PPIB: variants seen among roughly 807,000 people sequenced by gnomAD.
PPIB encodes the protein peptidyl-prolyl cis-trans isomerase B.
Under a neutral mutation model 20.1 loss-of-function variants are expected in PPIB, and 15 were observed. That is an observed-to-expected ratio of 0.75 (90% confidence interval 0.50 to 1.15). The LOEUF (loss-of-function observed/expected upper bound fraction) is 1.15, where lower values mean the gene tolerates loss of function less well. PPIB is among the 50% of genes most tolerant of loss of function. The pLI, the probability that PPIB is intolerant of heterozygous loss-of-function variation, is 0.00. For missense variants in PPIB, 278 were observed against 283.0 expected (o/e 0.98, Z 0.13); for synonymous variants, 129 against 111.0 (o/e 1.16, Z -1.02).
At position 64,162,740 on chromosome 15, in the gene PPIB, G is replaced by C. The variant is rs2140184640; in HGVS notation, c.135+112C>G. ...TGGACTGAATGGGCAGGACGGCCCA[G>C]ACGCCACGAGGCCACAGACAGAAGC... On this transcript the variant is annotated intron_variant, in intron 1 of 4. Coordinates refer to ENST00000300026, the MANE Select transcript of PPIB (RefSeq NM_000942.5). 5.3e-6 allele frequency: 8 copies of C among 1,519,906 alleles called. 1 individual carries two copies. In the South Asian group the frequency reaches 9.7e-5, roughly 18 times the overall value. The allele number at this position is 1,519,906 out of a possible 1,614,324, so 94.2% of individuals were successfully genotyped here. A position where few individuals can be genotyped will look rare whatever the true frequency, so the allele number is the denominator to read the frequency against.
intron 1 of PPIB, 138 bp downstream of exon 1, chr15:64,162,714 C>T: frequency 1.4e-6 from 2 of 1,426,930 alleles, no homozygotes; most frequent in South Asian, 2.5e-5. Flanking sequence ...GGGTCGTTCC[C>T]TGGACTGAAT....
rs1232463798 is a variant in PPIB, at chr15:64,155,901, G to A, written c.*122C>T. 2.1e-6 allele frequency: 3 copies of A among 1,455,726 alleles called. No homozygotes were observed. Among genetic ancestry groups the A allele is most frequent in the South Asian group, 1.1e-5 (1 of 87,548 alleles). 90.2% of individuals were successfully genotyped at this position (1,455,726 alleles called of 1,614,324 possible). A position where few individuals can be genotyped will look rare whatever the true frequency, so the allele number is the denominator to read the frequency against. ...ACAAAAGTGAGTCCATGGGCCTGTG[G>A]AATGTGAGGGGAGTGGGTCCGCTCC... On this transcript the variant is annotated 3_prime_UTR_variant, in exon 5 of 5. Coordinates refer to ENST00000300026, the MANE Select transcript of PPIB (RefSeq NM_000942.5).
At chr15:64,162,782 G>A (rs1052629034) in intron 1 of PPIB, 70 bp downstream of exon 1, 4 of 1,568,840 alleles carry the variant, frequency 2.5e-6, no homozygotes, top group Non-Finnish European at 3.5e-6. Flanking sequence ...AGGAGGGGCT[G>A]AGCCAAGGCC....
In PPIB at chr15:64,156,410, G is replaced by A; in HGVS notation, c.529-265C>T. ...AGGAGGAAGAGGGTGACCAGGGCAT[G>A]TGGCTTCTCAGGGACATTGCGTTCA... On this transcript the variant is annotated intron_variant, in intron 4 of 4. Coordinates refer to ENST00000300026, the MANE Select transcript of PPIB (RefSeq NM_000942.5). The surrounding 1 kb of genome is among the most constrained non-coding windows in gnomAD (Gnocchi z 6.4). The A allele has an allele frequency of 1.6e-6, 1 of 624,916 alleles. No individual in the cohort carries two copies. Among genetic ancestry groups the A allele is most frequent in the Non-Finnish European group, 2.8e-6 (1 of 352,034 alleles). 38.7% of individuals were successfully genotyped at this position (624,916 alleles called of 1,614,324 possible).
Position 64,160,385 on chromosome 15 carries a change from G to C in PPIB, c.250-188C>G, listed in dbSNP as rs1307006803. 6.6e-6 allele frequency among the ~76,000 whole-genome samples: 1 copy of C among 152,222 alleles called. No individual in the cohort carries two copies. Among genetic ancestry groups the C allele is most frequent in the Admixed American group, 6.5e-5 (1 of 15,288 alleles). ...CCACAGGACAGGCATGGTACACACAGATGTGGAAATCCCTCTGCCTCCATA... is the reference window on the plus strand; with the variant it reads ...CCACAGGACAGGCATGGTACACACACATGTGGAAATCCCTCTGCCTCCATA... On this transcript the variant is annotated intron_variant, in intron 2 of 4. Transcript: ENST00000300026. The surrounding 1 kb of genome is among the most constrained non-coding windows in gnomAD (Gnocchi z 4.8).
rs1490910907 is a variant in PPIB, at chr15:64,158,758, T to C, written c.343+1346A>G. Among the ~76,000 whole-genome samples, 1 of 152,238 alleles carries C rather than the reference T, an allele frequency of 6.6e-6. No individual in the cohort carries two copies. Among genetic ancestry groups the C allele is most frequent in the Non-Finnish European group, 1.5e-5 (1 of 68,038 alleles). On this transcript the variant is annotated intron_variant, in intron 3 of 4. Transcript: ENST00000300026. The surrounding 1 kb of genome is among the most constrained non-coding windows in gnomAD (Gnocchi z 4.7). ...GGGCTCATGCCCTAACCCTGCCTCT[T>C]TTCTGCCCGTTCAAATTCTCCTCAT...
chr15:64,156,650 G>A lies in PPIB; in HGVS notation c.528+75C>T. 1 of 1,562,928 alleles carries A rather than the reference G, an allele frequency of 6.4e-7. No homozygotes were observed. Among genetic ancestry groups the A allele is most frequent in the Non-Finnish European group, 8.8e-7 (1 of 1,133,722 alleles). ...CTTTTGGGAAAGGGATGGACACATG[G>A]AGCTCCTGCCCTGGGGTCTGTGTTG... On this transcript the variant is annotated intron_variant, in intron 4 of 4. Coordinates refer to ENST00000300026, the MANE Select transcript of PPIB (RefSeq NM_000942.5). The surrounding 1 kb of genome is among the most constrained non-coding windows in gnomAD (Gnocchi z 6.4).
rs186981162 is a variant in PPIB, at chr15:64,160,439, T to C, written c.250-242A>G. ...TTCCCAAGCTTTATACAATTCTACA[T>C]CACATAATGCTTTTCCCCTCATTTC... On this transcript the variant is annotated intron_variant, in intron 2 of 4. Coordinates refer to ENST00000300026, the MANE Select transcript of PPIB (RefSeq NM_000942.5). The surrounding 1 kb of genome is among the most constrained non-coding windows in gnomAD (Gnocchi z 4.8). Among the ~76,000 whole-genome samples the C allele has an allele frequency of 7.6e-4, 115 of 152,268 alleles. No individual in the cohort carries two copies. Among genetic ancestry groups the C allele is most frequent in the Non-Finnish European group, 7.8e-4 (53 of 68,014 alleles).
rs776274131 is a variant in PPIB, at chr15:64,155,909, G to A, written c.*114C>T. On this transcript the variant is annotated 3_prime_UTR_variant, in exon 5 of 5. Transcript: ENST00000300026. ...GAGTCCATGGGCCTGTGGAATGTGA[G>A]GGGAGTGGGTCCGCTCCACCAGATG... 15 of 1,513,164 alleles carry A rather than the reference G, an allele frequency of 9.9e-6. No homozygotes were observed. In the South Asian group the frequency reaches 1.6e-4, roughly 16 times the overall value. The allele number at this position is 1,513,164 out of a possible 1,614,324, so 93.7% of individuals were successfully genotyped here.
Position 64,156,871 on chromosome 15 carries a change from A to G in PPIB, c.382T>C (p.Phe128Leu). ...IYGERFPDEN[F>L]KLKHYGPGWV... ...CCAGGCCCGTAGTGCTTCAGTTTGA[A>G]GTTCTCATCGGGGAAGCGCTCACCG... The change falls in exon 4 of 5, where the codon TTC (phenylalanine) becomes CTC (leucine). Residue 128 changes from phenylalanine to leucine, a missense_variant. Physicochemically the swap from Phe to Leu is conservative, Grantham distance 22. Transcript: ENST00000300026. The surrounding 1 kb of genome is among the most constrained non-coding windows in gnomAD (Gnocchi z 6.4). The G allele has an allele frequency of 6.2e-7, 1 of 1,614,182 alleles. No individual in the cohort carries two copies. The highest frequency in any genetic ancestry group is 8.5e-7 in the Non-Finnish European group (1 of 1,180,032).
chr15:64,155,873 G>T lies in PPIB; in HGVS notation c.*150C>A. On this transcript the variant is annotated 3_prime_UTR_variant, in exon 5 of 5. Coordinates refer to ENST00000300026, the MANE Select transcript of PPIB (RefSeq NM_000942.5). Reference sequence around the variant, plus strand: ...TATTGGTCAGTGTTGGTAGGAGTTTGTTACAAAAGTGAGTCCATGGGCCTG... The same window carrying T: ...TATTGGTCAGTGTTGGTAGGAGTTTTTTACAAAAGTGAGTCCATGGGCCTG... The T allele has an allele frequency of 4.3e-6, 5 of 1,161,086 alleles. No individual in the cohort carries two copies. The highest frequency in any genetic ancestry group is 6.3e-6 in the Non-Finnish European group (5 of 788,448). The allele number at this position is 1,161,086 out of a possible 1,614,324, so 71.9% of individuals were successfully genotyped here. A position where few individuals can be genotyped will look rare whatever the true frequency, so the allele number is the denominator to read the frequency against.
rs951173206 is a variant in PPIB, at chr15:64,161,617, C to T, written c.249+424G>A. Reference sequence around the variant, plus strand: ...GCGCATGCCTGTAATCCCAGCTACTCAGGAGGCTGAGGCAGGAGAATCACT... The same window carrying T: ...GCGCATGCCTGTAATCCCAGCTACTTAGGAGGCTGAGGCAGGAGAATCACT... On this transcript the variant is annotated intron_variant, in intron 2 of 4. Transcript: ENST00000300026. The surrounding 1 kb of genome is among the most constrained non-coding windows in gnomAD (Gnocchi z 4.2). Among the ~76,000 whole-genome samples the T allele has an allele frequency of 4.6e-5, 7 of 151,682 alleles. No individual in the cohort carries two copies. The highest frequency in any genetic ancestry group is 1.7e-4 in the African/African-American group (7 of 41,276).
intron 1 of PPIB, 52 bp downstream of exon 1, chr15:64,162,800 G>A: frequency 1.9e-6 from 3 of 1,589,034 alleles, no homozygotes; most frequent in Non-Finnish European, 2.6e-6. Context: ...GCCAAGCCAA[G>A]GCCGCCCGGG....
In PPIB at chr15:64,157,728, T is replaced by G. The variant is rs2081543394; in HGVS notation, c.344-819A>C. On this transcript the variant is annotated intron_variant, in intron 3 of 4. Transcript: ENST00000300026. This position sits in a 1 kb window ranked among gnomAD's most constrained non-coding sequence, Gnocchi z 4.2. The stretch of plus-strand genomic sequence containing the variant: ...AAACATATTTGCATGCAAAACTCTT[T>G]TTTCCTTCTCACTGCACCTACCTTC... Among the ~76,000 whole-genome samples, 2 of 152,214 alleles carry G rather than the reference T, an allele frequency of 1.3e-5. No individual in the cohort carries two copies. Among genetic ancestry groups the G allele is most frequent in the Non-Finnish European group, 2.9e-5 (2 of 68,044 alleles).
chr15:64,160,088 G>A lies in PPIB; in HGVS notation c.343+16C>T, dbSNP rs760632468. The A allele has an allele frequency of 6.3e-7, 1 of 1,595,336 alleles. No individual in the cohort carries two copies. The highest frequency in any genetic ancestry group is 1.1e-5 in the South Asian group (1 of 90,722). ...CTACACTGACATACTCCTTGGCCCA[G>A]AGGACCTGTGGTTACCTCCTGTGCC... On this transcript the variant is annotated intron_variant, in intron 3 of 4. Coordinates refer to ENST00000300026, the MANE Select transcript of PPIB (RefSeq NM_000942.5). This position sits in a 1 kb window ranked among gnomAD's most constrained non-coding sequence, Gnocchi z 4.8.
Position 64,156,056 on chromosome 15 carries a change from C to G in PPIB, c.618G>C (p.Glu206Asp). The change falls in exon 5 of 5, where the codon GAG becomes GAC. Residue 206 changes from glutamate to aspartate, a missense_variant. Coordinates refer to ENST00000300026, the MANE Select transcript of PPIB (RefSeq NM_000942.5). The surrounding 1 kb of genome is among the most constrained non-coding windows in gnomAD (Gnocchi z 6.4). The stretch of plus-strand genomic sequence containing the variant: ...TGGCGATGGCAAAGGGCTTCTCCAC[C>G]TCGATCTTGCCGCAGTCTGCGATGA... ...DVIIADCGKI[E>D]VEKPFAIAKE 1 of 1,614,218 alleles carries G rather than the reference C, an allele frequency of 6.2e-7. No individual in the cohort carries two copies. The highest frequency in any genetic ancestry group is 1.6e-4 in the Middle Eastern group (1 of 6,062).
chr15:64,158,653 G>C lies in PPIB; in HGVS notation c.343+1451C>G, dbSNP rs1352946412. ...CTGCAGGCCGAAGCCCAGGCTGCAG[G>C]ACATCACCCACCTCTCTGCACTCCG... is the stretch of plus-strand genomic sequence containing the variant. On this transcript the variant is annotated intron_variant, in intron 3 of 4. Coordinates refer to ENST00000300026, the MANE Select transcript of PPIB (RefSeq NM_000942.5). The surrounding 1 kb of genome is among the most constrained non-coding windows in gnomAD (Gnocchi z 4.7). 6.6e-6 allele frequency among the ~76,000 whole-genome samples: 1 copy of C among 152,120 alleles called. No homozygotes were observed. Among genetic ancestry groups the C allele is most frequent in the Non-Finnish European group, 1.5e-5 (1 of 68,030 alleles).
rs867763180 is a variant in PPIB at position 64,157,300 on chromosome 15, G to A, written c.344-391C>T. 5.9e-5 allele frequency: 14 copies of A among 236,862 alleles called. No individual in the cohort carries two copies. Among genetic ancestry groups the A allele is most frequent in the Admixed American group, 2.5e-4 (5 of 19,818 alleles). 14.7% of individuals were successfully genotyped at this position (236,862 alleles called of 1,614,324 possible). ...AGGGTCGGAACTCTCCAGAAAAGGA[G>A]GACTGCTGTGGCTGACCAGCCTGTT... On this transcript the variant is annotated intron_variant, in intron 3 of 4. Coordinates refer to ENST00000300026, the MANE Select transcript of PPIB (RefSeq NM_000942.5). This position sits in a 1 kb window ranked among gnomAD's most constrained non-coding sequence, Gnocchi z 4.2.
In PPIB at chr15:64,159,049, G is replaced by C. The variant is rs1237905988; in HGVS notation, c.343+1055C>G. Among the ~76,000 whole-genome samples, 3 of 152,190 alleles carry C rather than the reference G, an allele frequency of 2.0e-5. No homozygotes were observed. The highest frequency in any genetic ancestry group is 7.2e-5 in the African/African-American group (3 of 41,440). On this transcript the variant is annotated intron_variant, in intron 3 of 4. Coordinates refer to ENST00000300026, the MANE Select transcript of PPIB (RefSeq NM_000942.5). This position sits in a 1 kb window ranked among gnomAD's most constrained non-coding sequence, Gnocchi z 5.1. The stretch of plus-strand genomic sequence containing the variant: ...ACAAGAAGGTGGCAGACACTGGATC[G>C]AGCCCAACTGCGTCTGACTCCACAA...
Sources: allele counts gnomAD v4.1 joint callset (sites outside exome capture counted in the v4.1 genomes callset), GRCh38; gene constraint gnomAD v4.1.1; non-coding constraint Gnocchi (gnomAD v3.1); transcripts MANE v1.5; gene names NCBI Gene and HGNC (gene_info 2026-07-23, HGNC 2026-07-21).